The following CCSER1 variants were observed in gnomAD, a reference collection of about 807,000 sequenced individuals.
The protein encoded by CCSER1 is serine-rich coiled-coil domain-containing protein 1.
A neutral mutation model predicts 82.0 loss-of-function variants in CCSER1; 41 were observed. The ratio of observed to expected loss-of-function variants is 0.50; its 90% CI spans 0.39 to 0.65. The LOEUF is 0.65. Ranked by LOEUF, CCSER1 falls within the 30% of genes least tolerant of loss-of-function variation. The probability of loss-of-function intolerance (pLI) is 0.00; values close to 1 mark genes in which losing one functional copy is unlikely to be tolerated. For missense variants in CCSER1, 1,119 were observed against 1,064.2 expected (o/e 1.05, Z -0.72); for synonymous variants, 414 against 383.9 (o/e 1.08, Z -0.92).
At chr4:90,798,983 C>A (rs145875858) in intron 7 of CCSER1, among the ~76,000 whole-genome samples, 1 of 152,218 alleles carries the variant, frequency 6.6e-6, no homozygotes, top group African/African-American at 2.4e-5. Flanking sequence ...CTCGTTCTCA[C>A]GTGCTAGCAG....
At chr4:91,039,088 G>A (rs1318657161) in intron 9 of CCSER1, among the ~76,000 whole-genome samples, 1 of 152,076 alleles carries the variant, frequency 6.6e-6, no homozygotes, top group Admixed American at 6.6e-5. Flanking sequence ...GAGTGCAGTG[G>A]CACAATCATA....
At chr4:90,130,819 T>C (rs1412393029) in intron 1 of CCSER1, among the ~76,000 whole-genome samples, 1 of 151,974 alleles carries the variant, frequency 6.6e-6, no homozygotes, top group Non-Finnish European at 1.5e-5. Context: ...AGATGGGGTT[T>C]TGCTATGTTG....
At chr4:90,532,526 C>A (rs1443122673) in intron 5 of CCSER1, among the ~76,000 whole-genome samples, 4 of 152,026 alleles carry the variant, frequency 2.6e-5, no homozygotes, top group East Asian at 1.9e-4. Context: ...AGAAGGCAAA[C>A]CTTTTGGTAA....
At chr4:91,432,601 T>G (rs1040131553) in intron 10 of CCSER1, among the ~76,000 whole-genome samples, 1 of 152,104 alleles carries the variant, frequency 6.6e-6, no homozygotes, top group African/African-American at 2.4e-5. Context: ...GTGAAAAAAA[T>G]ATCTCTATGT....
chr4:91,378,490 G>A (rs933839485), intron 10 of CCSER1, among the ~76,000 whole-genome samples: 1 of 152,168 alleles, frequency 6.6e-6, no homozygotes, highest in Non-Finnish European at 1.5e-5. Flanking sequence ...GGATTCCTAA[G>A]TATTTTATTC....
intron 9 of CCSER1, among the ~76,000 whole-genome samples, chr4:90,997,744 C>G (rs958919591): frequency 2.0e-5 from 3 of 152,106 alleles, no homozygotes; most frequent in African/African-American, 7.2e-5. Context: ...GTTCCCATTC[C>G]TGAAGAGAAG....
At chr4:90,861,099 G>A (rs75253681) in intron 8 of CCSER1, among the ~76,000 whole-genome samples, 11,270 of 151,576 alleles carry the variant, frequency 0.074, 507 homozygotes, top group Admixed American at 0.13. Flanking sequence ...TGTGCCATTC[G>A]GGAAACAAAC....
At chr4:90,523,196 G>T (rs1176477815) in intron 5 of CCSER1, among the ~76,000 whole-genome samples, 1 of 152,068 alleles carries the variant, frequency 6.6e-6, no homozygotes. Context: ...CAGAAATAAT[G>T]AATATATTTG....
chr4:90,863,091 C>T (rs902266344), intron 8 of CCSER1, among the ~76,000 whole-genome samples: 4 of 150,538 alleles, frequency 2.7e-5, no homozygotes, highest in African/African-American at 9.8e-5. Flanking sequence ...CCTCCCCGCT[C>T]CCCCCACCCC....
chr4:91,144,241 T>C (rs1729325579), intron 10 of CCSER1, among the ~76,000 whole-genome samples: 1 of 152,002 alleles, frequency 6.6e-6, no homozygotes, highest in South Asian at 2.1e-4. Context: ...ATTTTCTAGT[T>C]GATGTGCATA....
intron 10 of CCSER1, among the ~76,000 whole-genome samples, chr4:91,500,182 A>T (rs1560719734): frequency 2.0e-5 from 3 of 151,964 alleles, no homozygotes; most frequent in Non-Finnish European, 4.4e-5. Flanking sequence ...AGTGTGTAGT[A>T]GTATCTCATT....
intron 1 of CCSER1, among the ~76,000 whole-genome samples, chr4:90,160,338 C>T (rs11937976): frequency 0.28 from 42,921 of 151,890 alleles, 7,664 homozygotes; most frequent in East Asian, 0.65. Context: ...ATTGAAATCA[C>T]GTGTTTGGGC....
chr4:90,744,386 T>C (rs540014395), intron 7 of CCSER1, among the ~76,000 whole-genome samples: 40 of 152,322 alleles, frequency 2.6e-4, no homozygotes, highest in African/African-American at 9.6e-4. Flanking sequence ...CTTCTTGAGT[T>C]TGAATTCCAC....
chr4:90,171,135 C>A (rs1731587261), intron 1 of CCSER1, among the ~76,000 whole-genome samples: 1 of 150,000 alleles, frequency 6.7e-6, no homozygotes, highest in Non-Finnish European at 1.5e-5. Context: ...ATATGTATCC[C>A]CAAAAATTAA....
In CCSER1 at chr4:90,338,740, T is replaced by C. The variant is rs375781178; in HGVS notation, c.1509+25693T>C. On this transcript the variant is annotated intron_variant, in intron 3 of 10. Transcript: ENST00000509176. The stretch of plus-strand genomic sequence containing the variant: ...ATTCAGATAAAATTACTAATTTTAG[T>C]GAGCTGCAATAGTGACAAAATCTAT... 3.0e-4 allele frequency among the ~76,000 whole-genome samples: 46 copies of C among 152,356 alleles called. 1 individual carries two copies. The highest frequency in any genetic ancestry group is 1.1e-3 in the African/African-American group (46 of 41,596).
chr4:90,623,653 C>T (rs1337530107), intron 5 of CCSER1, among the ~76,000 whole-genome samples: 1 of 152,124 alleles, frequency 6.6e-6, no homozygotes, highest in Non-Finnish European at 1.5e-5. Context: ...GTTCTTATAA[C>T]CACTACACTT....
chr4:90,334,931 A>G (rs1740096859), intron 3 of CCSER1, among the ~76,000 whole-genome samples: 1 of 152,204 alleles, frequency 6.6e-6, no homozygotes, highest in African/African-American at 2.4e-5. Context: ...TCTGTAAAAT[A>G]TCCTCATAGT....
chr4:90,190,025 T>G (rs1217398209), intron 1 of CCSER1, among the ~76,000 whole-genome samples: 1 of 151,896 alleles, frequency 6.6e-6, no homozygotes, highest in East Asian at 1.9e-4. Context: ...CAATAAAAGG[T>G]TTTCTGGCAT....
chr4:90,153,250 A>T (rs1419865962), intron 1 of CCSER1, among the ~76,000 whole-genome samples: 2 of 151,878 alleles, frequency 1.3e-5, no homozygotes, highest in Admixed American at 6.6e-5. Flanking sequence ...TATTCCATGG[A>T]GTATATTGCC....
Sources: allele counts gnomAD v4.1 joint callset (sites outside exome capture counted in the v4.1 genomes callset), GRCh38; gene constraint gnomAD v4.1.1; transcripts MANE v1.5; gene names NCBI Gene and HGNC (gene_info 2026-07-23, HGNC 2026-07-21).